The following MED13L variants were observed in gnomAD, a reference collection of about 807,000 sequenced individuals.
MED13L encodes mediator complex subunit 13L.
MED13L carries 7 observed loss-of-function variants against 220.9 expected under a neutral mutation model. The ratio of observed to expected loss-of-function variants is 0.03; its 90% CI spans 0.02 to 0.06. The LOEUF (loss-of-function observed/expected upper bound fraction) is 0.06. Ranked by LOEUF, MED13L falls within the 10% of genes least tolerant of loss-of-function variation. The pLI, the probability that MED13L is intolerant of heterozygous loss-of-function variation, is 1.00. For synonymous variants in MED13L, 1,011 were observed against 1,015.2 expected, an observed-to-expected ratio of 1.00 and a Z score of 0.08; for missense variants, 1,965 against 2,760.5, an observed-to-expected ratio of 0.71 and a Z score of 6.46.
intron 3 of MED13L, among the ~76,000 whole-genome samples, chr12:116,098,506 A>G (rs1872803472): frequency 6.6e-6 from 1 of 152,170 alleles, no homozygotes. Flanking sequence ...TTGCCTCTGT[A>G]ATTTCCACAC....
At chr12:115,992,517 T>C (rs1216847021) in intron 16 of MED13L, among the ~76,000 whole-genome samples, 1 of 152,238 alleles carries the variant, frequency 6.6e-6, no homozygotes, top group Non-Finnish European at 1.5e-5. Flanking sequence ...TTTCTAATTT[T>C]CAAAATGCAG....
intron 2 of MED13L, among the ~76,000 whole-genome samples, chr12:116,193,871 T>C (rs1033460673): frequency 1.3e-5 from 2 of 152,124 alleles, no homozygotes; most frequent in Admixed American, 6.5e-5. Flanking sequence ...TCCTAAGAAA[T>C]ACCTTTATGA....
rs1220764634 is a variant in MED13L, at chr12:115,960,272, G to C, written c.*994C>G. 2.0e-5 allele frequency: 3 copies of C among 152,558 alleles called. No homozygotes were observed. Among genetic ancestry groups the C allele is most frequent in the Non-Finnish European group, 4.4e-5 (3 of 68,036 alleles). The allele number at this position is 152,558 out of a possible 1,614,324, so 9.5% of individuals were successfully genotyped here. ...TCCCTTTTGATCTAATGAGAGGAGA[G>C]ACCTGGCTTCCAATAAGAATTCACT... On this transcript the variant is annotated 3_prime_UTR_variant, in exon 31 of 31. Transcript: ENST00000281928.
intron 2 of MED13L, among the ~76,000 whole-genome samples, chr12:116,215,147 A>G (rs1033582528): frequency 6.6e-6 from 1 of 152,206 alleles, no homozygotes; most frequent in Non-Finnish European, 1.5e-5. Flanking sequence ...TTTTTGCTTT[A>G]GTTACTATCA....
intron 4 of MED13L, among the ~76,000 whole-genome samples, chr12:116,091,497 T>G (rs1050971900): frequency 6.6e-6 from 1 of 152,198 alleles, no homozygotes; most frequent in Non-Finnish European, 1.5e-5. Flanking sequence ...CAGAGCAAAG[T>G]ACCTGGTACA....
At position 115,984,252 on chromosome 12, in the gene MED13L, G is replaced by A. The variant is rs146112707; in HGVS notation, c.4459C>T (p.Pro1487Ser). 1.2e-6 allele frequency: 2 copies of A among 1,613,888 alleles called. No homozygotes were observed. The highest frequency in any genetic ancestry group is 1.7e-6 in the Non-Finnish European group (2 of 1,180,006). ...DELVSEWFNQPWSGEENDNHS... is the reference protein window; with the variant it reads ...DELVSEWFNQSWSGEENDNHS... ...TTGTCATTCTCCTCGCCGCTCCAAGGCTGGTTAAACCACTCACTCACAAGC... is the reference window on the plus strand; with the variant it reads ...TTGTCATTCTCCTCGCCGCTCCAAGACTGGTTAAACCACTCACTCACAAGC... The change falls in exon 20 of 31, where the codon CCT (proline) becomes TCT (serine). Residue 1487 changes from proline to serine, a missense_variant. By Grantham distance (74) the Pro-to-Ser change is moderately conservative. Coordinates refer to ENST00000281928, the MANE Select transcript of MED13L (RefSeq NM_015335.5).
intron 4 of MED13L, among the ~76,000 whole-genome samples, chr12:116,086,562 G>A (rs1337811217): frequency 5.9e-5 from 9 of 152,110 alleles, no homozygotes; most frequent in African/African-American, 2.2e-4. Context: ...GATTACAGGC[G>A]TGAGCTACTG....
chr12:116,206,369 T>C (rs1356615147), intron 2 of MED13L, among the ~76,000 whole-genome samples: 3 of 152,138 alleles, frequency 2.0e-5, no homozygotes, highest in African/African-American at 7.2e-5. Context: ...CATAGGAACA[T>C]CTAAAACCTT....
chr12:116,094,235 G>A (rs1242816531), intron 4 of MED13L, among the ~76,000 whole-genome samples: 1 of 152,106 alleles, frequency 6.6e-6, no homozygotes, highest in Non-Finnish European at 1.5e-5. Context: ...TAAAGCAAAC[G>A]CCAATTTTTA....
intron 2 of MED13L, among the ~76,000 whole-genome samples, chr12:116,214,916 T>C (rs1366224790): frequency 6.6e-6 from 1 of 152,186 alleles, no homozygotes; most frequent in Admixed American, 6.5e-5. Context: ...GGCCACCCTA[T>C]TTAAGAATGT....
chr12:115,964,055 C>T (rs1301678933), intron 29 of MED13L, among the ~76,000 whole-genome samples: 4 of 151,928 alleles, frequency 2.6e-5, no homozygotes, highest in Non-Finnish European at 5.9e-5. Context: ...CCACTGTGCT[C>T]CAGCCTGGGC....
At chr12:116,217,374 T>A (rs895078765) in intron 2 of MED13L, among the ~76,000 whole-genome samples, 15 of 152,192 alleles carry the variant, frequency 9.9e-5, no homozygotes, top group Admixed American at 2.6e-4. Context: ...TACATTTTTT[T>A]AAAAAACCAT....
At chr12:116,276,980 G>A in intron 1 of MED13L, 80 bp downstream of exon 1, 2 of 1,450,334 alleles carry the variant, frequency 1.4e-6, no homozygotes, top group East Asian at 2.5e-5. Flanking sequence ...GCGGCGGGAG[G>A]AGAAAGTTGG....
chr12:116,201,102 T>G (rs891985842), intron 2 of MED13L, among the ~76,000 whole-genome samples: 2 of 152,174 alleles, frequency 1.3e-5, no homozygotes, highest in African/African-American at 4.8e-5. Flanking sequence ...CAACTGAATA[T>G]AAAAATACAC....
intron 23 of MED13L, among the ~76,000 whole-genome samples, chr12:115,979,384 T>C (rs1166180110): frequency 6.6e-6 from 1 of 152,242 alleles, no homozygotes; most frequent in Non-Finnish European, 1.5e-5. Context: ...TAGAGACATT[T>C]ATTTTTGAAA....
intron 2 of MED13L, among the ~76,000 whole-genome samples, chr12:116,146,624 G>A (rs1257157248): frequency 6.6e-6 from 1 of 151,936 alleles, no homozygotes; most frequent in African/African-American, 2.4e-5. Context: ...CAGCACTTTG[G>A]GAGACGAAGG....
At position 116,258,851 on chromosome 12, in the gene MED13L, C is replaced by T. The variant is rs1872273359; in HGVS notation, c.72+18209G>A. Among the ~76,000 whole-genome samples the T allele has an allele frequency of 4.0e-5, 6 of 148,430 alleles. No individual in the cohort carries two copies. The South Asian group carries it at 1.3e-3, about 31-fold the overall frequency. On this transcript the variant is annotated intron_variant, in intron 1 of 30. Coordinates refer to ENST00000281928, the MANE Select transcript of MED13L (RefSeq NM_015335.5). ...AAACTCACAGAAGAAATCTGGATAC[C>T]CATATAGATGAAAAGATGCTCATAA...
intron 2 of MED13L, among the ~76,000 whole-genome samples, chr12:116,167,390 T>G (rs1269472107): frequency 6.6e-6 from 1 of 152,192 alleles, no homozygotes; most frequent in Non-Finnish European, 1.5e-5. Context: ...GCTCTATTTT[T>G]AAAAATGTAA....
chr12:115,966,339 T>C, intron 28 of MED13L, 96 bp from the exon 29 acceptor site: 1 of 1,376,558 alleles, frequency 7.3e-7, no homozygotes. Context: ...CAGTGAGTGA[T>C]CCCCTTTGTG....
Sources: allele counts gnomAD v4.1 joint callset (sites outside exome capture counted in the v4.1 genomes callset), GRCh38; gene constraint gnomAD v4.1.1; transcripts MANE v1.5; gene names NCBI Gene and HGNC (gene_info 2026-07-23, HGNC 2026-07-21).